Variants in CNOT4 observed in about 807,000 individuals in gnomAD.
CNOT4 encodes the protein CCR4-NOT transcription complex subunit 4.
Under a neutral mutation model 73.8 loss-of-function variants are expected in CNOT4, and 8 were observed. That is an observed-to-expected ratio of 0.11 (90% CI 0.06 to 0.20). The LOEUF (loss-of-function observed/expected upper bound fraction) is 0.20, where lower values mean the gene tolerates loss of function less well. CNOT4 is among the 10% of genes least tolerant of loss of function. The probability of loss-of-function intolerance (pLI) is 1.00; values close to 1 mark genes in which losing one functional copy is unlikely to be tolerated. For missense variants in CNOT4, 564 were observed against 883.4 expected, an observed-to-expected ratio of 0.64 and a Z score of 4.58; for synonymous variants, 293 against 321.1, an observed-to-expected ratio of 0.91 and a Z score of 0.94.
chr7:135,507,033 T>C (rs1804421366), intron 1 of CNOT4, among the ~76,000 whole-genome samples: 1 of 152,146 alleles, frequency 6.6e-6, no homozygotes, highest in Non-Finnish European at 1.5e-5. Context: ...ATTTTTTCAT[T>C]CCTTTAAAGC....
At chr7:135,507,290 A>G (rs1490831152) in intron 1 of CNOT4, among the ~76,000 whole-genome samples, 1 of 152,236 alleles carries the variant, frequency 6.6e-6, no homozygotes, top group African/African-American at 2.4e-5. Flanking sequence ...GAAATAATCT[A>G]TTGATCTCAA....
intron 2 of CNOT4, 45 bp downstream of exon 2, chr7:135,438,111 CTA>C (rs1193397939): frequency 9.2e-7 from 1 of 1,087,728 alleles, no homozygotes; most frequent in African/African-American, 1.6e-5. Context: ...CAGCAAAAAA[CTA>C]TACAATTAAA....
chr7:135,472,312 C>A (rs1281600067), intron 1 of CNOT4, among the ~76,000 whole-genome samples: 2 of 146,506 alleles, frequency 1.4e-5, no homozygotes, highest in Non-Finnish European at 3.0e-5. Context: ...CCCGTCTCTA[C>A]TAAAAATACA....
intron 10 of CNOT4, chr7:135,386,214 T>C (rs1796113230): frequency 6.6e-6 from 1 of 151,064 alleles, no homozygotes; most frequent in Non-Finnish European, 1.5e-5. Flanking sequence ...ATCTAATAAC[T>C]ATGGATCTTC....
chr7:135,464,845 T>G (rs1801120315), intron 1 of CNOT4, among the ~76,000 whole-genome samples: 1 of 152,054 alleles, frequency 6.6e-6, no homozygotes, highest in African/African-American at 2.4e-5. Flanking sequence ...AAGCCCAATG[T>G]TTTGATATTT....
intron 1 of CNOT4, among the ~76,000 whole-genome samples, chr7:135,507,635 T>A (rs1306671125): frequency 6.6e-6 from 1 of 152,142 alleles, no homozygotes; most frequent in East Asian, 1.9e-4. Context: ...TGTATTAAAA[T>A]CACTTACTCC....
At chr7:135,498,965 C>T (rs565105671) in intron 1 of CNOT4, among the ~76,000 whole-genome samples, 7 of 152,222 alleles carry the variant, frequency 4.6e-5, no homozygotes, top group Admixed American at 2.6e-4. Context: ...ACCAACTTTA[C>T]GGCTAAAGGA....
chr7:135,376,802 C>G (rs1795547507), intron 10 of CNOT4, among the ~76,000 whole-genome samples: 1 of 152,072 alleles, frequency 6.6e-6, no homozygotes, highest in Non-Finnish European at 1.5e-5. Context: ...AACAAAAATC[C>G]CAAATAAGAA....
At position 135,468,704 on chromosome 7, in the gene CNOT4, T is replaced by A. The variant is rs1437727198; in HGVS notation, c.-92-30281A>T. On this transcript the variant is annotated intron_variant, in intron 1 of 11. Transcript: ENST00000541284. Reference sequence around the variant, plus strand: ...TGTCTCAAAAAAAAAAAAAAAAAAATTTACACATCTATTCCTTCCCTGGAC... The same window carrying A: ...TGTCTCAAAAAAAAAAAAAAAAAAAATTACACATCTATTCCTTCCCTGGAC... 2.2e-5 allele frequency among the ~76,000 whole-genome samples: 3 copies of A among 134,936 alleles called. No individual in the cohort carries two copies. In the South Asian group the frequency reaches 7.2e-4, roughly 32 times the overall value. 88.5% of individuals were successfully genotyped at this position (134,936 alleles called of 152,430 possible).
At chr7:135,380,130 A>C (rs3812275) in intron 10 of CNOT4, among the ~76,000 whole-genome samples, 57,306 of 151,914 alleles carry the variant, frequency 0.38, 11,040 homozygotes, top group South Asian at 0.46. Context: ...TGGGGAAAAA[A>C]AAAAAAACAA....
In CNOT4 at chr7:135,371,483, G is replaced by GTT. The variant is rs532309633; in HGVS notation, c.1628-7418_1628-7417insAA. On this transcript the variant is annotated intron_variant, in intron 10 of 11. Transcript: ENST00000541284. Reference sequence around the variant, plus strand: ...GAGGAAAAGCAGCTGATGTGGAAGAGGGAAAGGGCATCCCATAGAGAACAC... The same window carrying GTT: ...GAGGAAAAGCAGCTGATGTGGAAGAGTTGGAAAGGGCATCCCATAGAGAACAC... 3.9e-5 allele frequency among the ~76,000 whole-genome samples: 6 copies of GTT among 152,322 alleles called. No homozygotes were observed. The East Asian group carries it at 1.2e-3, about 29-fold the overall frequency.
intron 10 of CNOT4, among the ~76,000 whole-genome samples, chr7:135,389,877 T>C (rs1796313854): frequency 6.6e-6 from 1 of 151,658 alleles, no homozygotes; most frequent in African/African-American, 2.4e-5. Context: ...AGAAAAAGAG[T>C]CTGTCAATCC....
intron 2 of CNOT4, 89 bp from the exon 3 acceptor site, chr7:135,422,442 T>G (rs999063494): frequency 2.3e-5 from 16 of 697,632 alleles, no homozygotes; most frequent in Non-Finnish European, 3.6e-5. Flanking sequence ...GGTGGGTATG[T>G]GGTTATCTGT....
At chr7:135,455,429 T>C (rs940119702) in intron 1 of CNOT4, among the ~76,000 whole-genome samples, 1 of 152,132 alleles carries the variant, frequency 6.6e-6, no homozygotes, top group African/African-American at 2.4e-5. Flanking sequence ...AAATTGCACA[T>C]AAATATATTC....
intron 10 of CNOT4, among the ~76,000 whole-genome samples, chr7:135,368,226 T>G (rs1351617856): frequency 6.6e-6 from 1 of 152,182 alleles, no homozygotes; most frequent in Non-Finnish European, 1.5e-5. Context: ...ATAGTTAAAA[T>G]TCTGCTACCT....
intron 1 of CNOT4, among the ~76,000 whole-genome samples, chr7:135,449,567 G>C (rs921043473): frequency 9.9e-5 from 15 of 152,072 alleles, no homozygotes; most frequent in African/African-American, 3.6e-4. Flanking sequence ...CATAAAGAAA[G>C]AATCCTTCAC....
chr7:135,490,252 A>C (rs1244691193), intron 1 of CNOT4, among the ~76,000 whole-genome samples: 2 of 152,252 alleles, frequency 1.3e-5, no homozygotes, highest in African/African-American at 4.8e-5. Context: ...CACAGAAAGC[A>C]TAAGAATGGA....
intron 2 of CNOT4, among the ~76,000 whole-genome samples, chr7:135,424,770 C>A (rs1299369028): frequency 1.3e-5 from 2 of 152,078 alleles, no homozygotes; most frequent in Non-Finnish European, 2.9e-5. Flanking sequence ...GCCTGGGCGA[C>A]AGAGCCAGAC....
intron 1 of CNOT4, among the ~76,000 whole-genome samples, chr7:135,509,352 G>C (rs1804586451): frequency 6.6e-6 from 1 of 152,050 alleles, no homozygotes. Flanking sequence ...CCAGAGGGGG[G>C]CAAAGGCTAA....
Sources: allele counts gnomAD v4.1 joint callset (sites outside exome capture counted in the v4.1 genomes callset), GRCh38; gene constraint gnomAD v4.1.1; transcripts MANE v1.5; gene names NCBI Gene and HGNC (gene_info 2026-07-23, HGNC 2026-07-21).